Variants in NRG3 observed in about 807,000 individuals in gnomAD.
The protein encoded by NRG3 is neuregulin 3, also known as pro-neuregulin-3, membrane-bound isoform.
In NRG3, 31 loss-of-function variants were observed where a neutral mutation model predicts 66.9. That is an observed-to-expected ratio of 0.46 (90% CI 0.35 to 0.63). NRG3 has a LOEUF of 0.63. Ranked by LOEUF, NRG3 falls within the 20% of genes least tolerant of loss-of-function variation. NRG3 has a pLI of 0.00. For synonymous variants in NRG3, 393 were observed against 359.4 expected (o/e 1.09, Z -1.06); for missense variants, 910 against 878.9 (o/e 1.04, Z -0.45).
At chr10:82,223,250 G>A (rs1170947911) in intron 1 of NRG3, among the ~76,000 whole-genome samples, 1 of 152,168 alleles carries the variant, frequency 6.6e-6, no homozygotes, top group Non-Finnish European at 1.5e-5. Context: ...ATGCCGGAGA[G>A]CCAACCAAGG....
chr10:82,876,523 G>A (rs1267690347), intron 4 of NRG3, among the ~76,000 whole-genome samples: 3 of 152,134 alleles, frequency 2.0e-5, no homozygotes, highest in African/African-American at 4.8e-5. Flanking sequence ...TTGTCAGAGA[G>A]CAAGTCTAAC....
chr10:82,263,388 G>A (rs1204209593), intron 1 of NRG3, among the ~76,000 whole-genome samples: 4 of 152,112 alleles, frequency 2.6e-5, no homozygotes, highest in Non-Finnish European at 5.9e-5. Context: ...AACCTTTTAA[G>A]TTTTCTATTG....
chr10:82,720,416 G>T (rs2057226862), intron 2 of NRG3, among the ~76,000 whole-genome samples: 2 of 152,022 alleles, frequency 1.3e-5, no homozygotes, highest in Non-Finnish European at 2.9e-5. Flanking sequence ...TAATAAAATG[G>T]AGCACTTGAG....
At chr10:82,622,944 A>G (rs2133631040) in intron 2 of NRG3, among the ~76,000 whole-genome samples, 1 of 151,888 alleles carries the variant, frequency 6.6e-6, no homozygotes, top group East Asian at 1.9e-4. Context: ...ATGCATTTTC[A>G]GTGTGTGCTA....
At chr10:82,648,995 T>C (rs2051188920) in intron 2 of NRG3, among the ~76,000 whole-genome samples, 2 of 152,146 alleles carry the variant, frequency 1.3e-5, no homozygotes. Context: ...GAGCTATCTA[T>C]GACAAACCCA....
At chr10:82,030,021 G>A (rs1016014961) in intron 1 of NRG3, among the ~76,000 whole-genome samples, 10 of 152,054 alleles carry the variant, frequency 6.6e-5, no homozygotes, top group Admixed American at 4.6e-4. Context: ...TCACAAATAC[G>A]AGTTGAAATC....
At chr10:82,185,155 C>T (rs1314304413) in intron 1 of NRG3, among the ~76,000 whole-genome samples, 3 of 151,964 alleles carry the variant, frequency 2.0e-5, no homozygotes, top group African/African-American at 4.8e-5. Context: ...CTGGCCAAGA[C>T]TCTTTTGAGC....
At chr10:82,914,589 CAT>C (rs1327642467) in intron 4 of NRG3, among the ~76,000 whole-genome samples, 7 of 152,192 alleles carry the variant, frequency 4.6e-5, no homozygotes, top group South Asian at 4.2e-4. Context: ...AATTCTGAAA[CAT>C]GTGGTTTTTT....
chr10:82,384,248 A>G (rs1034144766), intron 2 of NRG3, among the ~76,000 whole-genome samples: 1 of 152,174 alleles, frequency 6.6e-6, no homozygotes, highest in East Asian at 1.9e-4. Flanking sequence ...ACTTGAAACT[A>G]TAAAACTTTA....
intron 1 of NRG3, among the ~76,000 whole-genome samples, chr10:82,121,542 C>G (rs1220496649): frequency 6.6e-6 from 1 of 152,150 alleles, no homozygotes; most frequent in Non-Finnish European, 1.5e-5. Flanking sequence ...TGCGTGTCCT[C>G]TGGTGCTACT....
At chr10:82,922,126 C>A (rs1302029952) in intron 4 of NRG3, among the ~76,000 whole-genome samples, 1 of 151,962 alleles carries the variant, frequency 6.6e-6, no homozygotes, top group South Asian at 2.1e-4. Context: ...TATATAGAGA[C>A]TGGGGGGAAG....
At chr10:82,570,849 CTG>C (rs538129195) in intron 2 of NRG3, among the ~76,000 whole-genome samples, 165 of 151,788 alleles carry the variant, frequency 1.1e-3, no homozygotes, top group African/African-American at 3.8e-3. Flanking sequence ...AAGATTATAA[CTG>C]TCTTTCATTG....
intron 1 of NRG3, among the ~76,000 whole-genome samples, chr10:82,344,074 T>G (rs913770101): frequency 6.6e-6 from 1 of 151,996 alleles, no homozygotes; most frequent in Admixed American, 6.6e-5. Context: ...TCTTTTTTTT[T>G]TATTATACTT....
intron 4 of NRG3, among the ~76,000 whole-genome samples, chr10:82,948,175 C>T (rs530838772): frequency 1.2e-4 from 19 of 152,056 alleles, no homozygotes; most frequent in Admixed American, 1.1e-3. Context: ...TGAAAATATT[C>T]TTTCACCATT....
intron 1 of NRG3, among the ~76,000 whole-genome samples, chr10:81,932,879 C>T (rs1041941250): frequency 2.6e-5 from 4 of 151,928 alleles, no homozygotes; most frequent in East Asian, 2.0e-4. Flanking sequence ...GAGGCCAAGG[C>T]GGGTGAATCA....
intron 1 of NRG3, among the ~76,000 whole-genome samples, chr10:82,040,459 C>G (rs1471273469): frequency 6.6e-6 from 1 of 151,732 alleles, no homozygotes; most frequent in Non-Finnish European, 1.5e-5. Flanking sequence ...TCCATGAGGA[C>G]TGAACTTTGC....
chr10:81,935,017 A>G (rs1847729954), intron 1 of NRG3, among the ~76,000 whole-genome samples: 1 of 152,190 alleles, frequency 6.6e-6, no homozygotes, highest in South Asian at 2.1e-4. Flanking sequence ...ATTTCACCCA[A>G]AACATTTAAG....
Position 82,251,409 on chromosome 10 carries a change from G to T in NRG3, c.824-107330G>T, listed in dbSNP as rs903880594. 4.6e-5 allele frequency among the ~76,000 whole-genome samples: 7 copies of T among 152,246 alleles called. No homozygotes were observed. In the South Asian group the frequency reaches 6.2e-4, roughly 14 times the overall value. On this transcript the variant is annotated intron_variant, in intron 1 of 8. Transcript: ENST00000372141. ...GACAGGAAGCTCCTCATCTACAGTG[G>T]CCCTGCAGGTACCGAGAAGGCTTTT... is the stretch of plus-strand genomic sequence containing the variant.
chr10:82,683,244 T>C (rs1056089183), intron 2 of NRG3, among the ~76,000 whole-genome samples: 5 of 152,012 alleles, frequency 3.3e-5, no homozygotes, highest in African/African-American at 9.7e-5. Flanking sequence ...CGTGAGCCAC[T>C]GTGCCCGGCC....
Sources: allele counts gnomAD v4.1 joint callset (sites outside exome capture counted in the v4.1 genomes callset), GRCh38; gene constraint gnomAD v4.1.1; transcripts MANE v1.5; gene names NCBI Gene and HGNC (gene_info 2026-07-23, HGNC 2026-07-21).